LRFN2: variants seen among roughly 807,000 people sequenced by gnomAD.
LRFN2 encodes leucine rich repeat and fibronectin type III domain containing 2.
LRFN2 carries 18 observed loss-of-function variants against 37.3 expected under a neutral mutation model. The ratio of observed to expected loss-of-function variants is 0.48; its 90% CI spans 0.33 to 0.72. LRFN2 has a LOEUF of 0.72. Among genes scored for constraint, LRFN2 ranks in the 30% least tolerant of loss-of-function variants. The pLI, the probability that LRFN2 is intolerant of heterozygous loss-of-function variation, is 0.02. For synonymous variants in LRFN2, 556 were observed against 466.6 expected, an observed-to-expected ratio of 1.19 and a Z score of -2.47; for missense variants, 1,006 against 1,060.7, an observed-to-expected ratio of 0.95 and a Z score of 0.72.
At chr6:40,573,222 G>T (rs559839981) in intron 1 of LRFN2, among the ~76,000 whole-genome samples, 1 of 152,336 alleles carries the variant, frequency 6.6e-6, no homozygotes, top group South Asian at 2.1e-4. Context: ...AAAAGTACCT[G>T]CCCTGACTAT....
intron 1 of LRFN2, among the ~76,000 whole-genome samples, chr6:40,515,839 G>A (rs1305858142): frequency 6.9e-6 from 1 of 145,048 alleles, no homozygotes; most frequent in Non-Finnish European, 1.5e-5. Flanking sequence ...GTTGCAGTGA[G>A]CCGAGATCGT....
chr6:40,450,922 G>T (rs1764087468), intron 1 of LRFN2, among the ~76,000 whole-genome samples: 1 of 152,220 alleles, frequency 6.6e-6, no homozygotes, highest in South Asian at 2.1e-4. Context: ...CAGAAGCTTT[G>T]TCATGAGACC....
chr6:40,440,636 G>A (rs935217640), intron 1 of LRFN2, among the ~76,000 whole-genome samples: 8 of 152,136 alleles, frequency 5.3e-5, no homozygotes, highest in African/African-American at 1.7e-4. Flanking sequence ...AGGAATTATT[G>A]CCTCCAGAGA....
chr6:40,568,883 G>A (rs564088313), intron 1 of LRFN2, among the ~76,000 whole-genome samples: 15 of 152,064 alleles, frequency 9.9e-5, no homozygotes, highest in Non-Finnish European at 1.5e-4. Flanking sequence ...CACCATGCCC[G>A]GCTAATTTTG....
chr6:40,551,114 A>G (rs1280394717), intron 1 of LRFN2, among the ~76,000 whole-genome samples: 1 of 152,194 alleles, frequency 6.6e-6, no homozygotes, highest in African/African-American at 2.4e-5. Context: ...GTGACAGTCC[A>G]TGACCCTGGC....
At chr6:40,515,283 G>A (rs114458518) in intron 1 of LRFN2, among the ~76,000 whole-genome samples, 2,425 of 152,260 alleles carry the variant, frequency 0.016, 23 homozygotes, top group Non-Finnish European at 0.023. Context: ...ATCCTCAACT[G>A]CATGTTGAAA....
intron 1 of LRFN2, among the ~76,000 whole-genome samples, chr6:40,526,287 G>A (rs542025590): frequency 5.7e-4 from 87 of 152,338 alleles, no homozygotes; most frequent in African/African-American, 1.7e-3. Flanking sequence ...GTCATTTCAA[G>A]CAATGGTGTG....
At chr6:40,449,025 G>A (rs1185249347) in intron 1 of LRFN2, among the ~76,000 whole-genome samples, 1 of 152,100 alleles carries the variant, frequency 6.6e-6, no homozygotes, top group African/African-American at 2.4e-5. Flanking sequence ...TCCTCTGTGG[G>A]GTGACTATCA....
At chr6:40,446,435 T>G (rs904584967) in intron 1 of LRFN2, among the ~76,000 whole-genome samples, 1 of 152,220 alleles carries the variant, frequency 6.6e-6, no homozygotes, top group African/African-American at 2.4e-5. Flanking sequence ...GCCCCTACAT[T>G]CCTCGTGTCT....
intron 1 of LRFN2, among the ~76,000 whole-genome samples, chr6:40,515,818 GGGA>G (rs1340420070): frequency 6.7e-6 from 1 of 150,054 alleles, no homozygotes; most frequent in Non-Finnish European, 1.5e-5. Context: ...GCTTGAACCA[GGGA>G]GGAGGAGGTT....
At chr6:40,544,728 G>C (rs1035960704) in intron 1 of LRFN2, among the ~76,000 whole-genome samples, 5 of 152,192 alleles carry the variant, frequency 3.3e-5, no homozygotes, top group Admixed American at 2.0e-4. Context: ...CCCATCTCCC[G>C]AATTCCAGCA....
chr6:40,424,416 A>G (rs1213896106), intron 2 of LRFN2, among the ~76,000 whole-genome samples: 1 of 152,190 alleles, frequency 6.6e-6, no homozygotes, highest in Non-Finnish European at 1.5e-5. Context: ...GGTACATAGC[A>G]CAGTGGAAAG....
At chr6:40,433,498 TTGGATGGATGGATGGATGGATGGG>T (rs965250213) in intron 1 of LRFN2, among the ~76,000 whole-genome samples, 3 of 152,076 alleles carry the variant, frequency 2.0e-5, no homozygotes, top group Non-Finnish European at 1.5e-5. Context: ...TAACTATCTG[TTGGATGGATGGATGGATGGATGGG>T]TGGATGGATG....
At chr6:40,505,831 T>C (rs1765518140) in intron 1 of LRFN2, among the ~76,000 whole-genome samples, 1 of 152,226 alleles carries the variant, frequency 6.6e-6, no homozygotes, top group South Asian at 2.1e-4. Context: ...CTCCCCAGGA[T>C]GGGTCTCCTC....
At chr6:40,529,324 A>G (rs912433665) in intron 1 of LRFN2, among the ~76,000 whole-genome samples, 3 of 152,188 alleles carry the variant, frequency 2.0e-5, no homozygotes, top group Admixed American at 6.5e-5. Context: ...CCAACTCAGT[A>G]GGAGGTTTGG....
At chr6:40,520,044 A>T (rs1766008844) in intron 1 of LRFN2, among the ~76,000 whole-genome samples, 1 of 152,140 alleles carries the variant, frequency 6.6e-6, no homozygotes, top group African/African-American at 2.4e-5. Context: ...TGTGTAGGAC[A>T]GAGTGCGTGA....
chr6:40,438,550 A>G (rs1468705412), intron 1 of LRFN2, among the ~76,000 whole-genome samples: 1 of 152,208 alleles, frequency 6.6e-6, no homozygotes, highest in East Asian at 1.9e-4. Context: ...GGACAGAACC[A>G]CAATTTAAAT....
intron 1 of LRFN2, among the ~76,000 whole-genome samples, chr6:40,482,679 A>G (rs1173016435): frequency 2.6e-5 from 4 of 152,104 alleles, no homozygotes; most frequent in African/African-American, 9.7e-5. Context: ...CAGCAGCCTC[A>G]GCAGCTTCCC....
At chr6:40,479,485 A>T (rs1450983528) in intron 1 of LRFN2, among the ~76,000 whole-genome samples, 1 of 152,294 alleles carries the variant, frequency 6.6e-6, no homozygotes, top group African/African-American at 2.4e-5. Context: ...GGAGCAGCTA[A>T]GCTACTTCTG....
Sources: allele counts gnomAD v4.1 joint callset (sites outside exome capture counted in the v4.1 genomes callset), GRCh38; gene constraint gnomAD v4.1.1; transcripts MANE v1.5; gene names NCBI Gene and HGNC (gene_info 2026-07-23, HGNC 2026-07-21).